Variants in CDH2 observed in about 807,000 individuals in gnomAD.
The protein encoded by CDH2 is cadherin-2.
A neutral mutation model predicts 92.0 loss-of-function variants in CDH2; 17 were observed. The observed-to-expected ratio is 0.18, with a 90% confidence interval of 0.13 to 0.28. CDH2 has a LOEUF of 0.28. Ranked by LOEUF, CDH2 falls within the 10% of genes least tolerant of loss-of-function variation. CDH2 has a pLI of 1.00. For missense variants in CDH2, 862 were observed against 1,133.1 expected (o/e 0.76, Z 3.44); for synonymous variants, 419 against 415.9 (o/e 1.01, Z -0.09).
chr18:27,958,551 GTATATT>G (rs916880772), intron 15 of CDH2, among the ~76,000 whole-genome samples: 1 of 148,704 alleles, frequency 6.7e-6, no homozygotes, highest in African/African-American at 2.5e-5. Flanking sequence ...ATAAATACGT[GTATATT>G]TATATATGTG....
chr18:28,076,479 GCA>G (rs1449335827), intron 2 of CDH2, among the ~76,000 whole-genome samples: 3 of 151,998 alleles, frequency 2.0e-5, no homozygotes, highest in Admixed American at 6.6e-5. Context: ...AAAGGTTTTA[GCA>G]CAGTGACTTG....
chr18:28,095,615 C>T (rs1283348192), intron 2 of CDH2, among the ~76,000 whole-genome samples: 1 of 151,738 alleles, frequency 6.6e-6, no homozygotes. Context: ...GTCAGGAGTT[C>T]GAAATCAGCC....
At chr18:27,942,961 TA>T (rs1272371161) in intron 6 of CDH2, among the ~76,000 whole-genome samples, 30 of 152,186 alleles carry the variant, frequency 2.0e-4, no homozygotes, top group Admixed American at 2.0e-3. Flanking sequence ...TTATGTTTTC[TA>T]AAAGTTTCCT....
At chr18:28,156,466 CATGTCACCTTCCCAGGTACAGA>C (rs1555647364) in intron 1 of CDH2, among the ~76,000 whole-genome samples, 1,466 of 59,670 alleles carry the variant, frequency 0.025, 267 homozygotes, top group African/African-American at 0.074. Flanking sequence ...CCAGGTACAG[CATGTCACCTTCCCAGGTACAGA>C]ATGTCACCTT....
At chr18:28,019,331 A>T (rs1220791040) in intron 2 of CDH2, among the ~76,000 whole-genome samples, 3 of 151,896 alleles carry the variant, frequency 2.0e-5, no homozygotes, top group Non-Finnish European at 2.9e-5. Context: ...ATGAAGAAAG[A>T]AGAAAGGAAG....
intron 2 of CDH2, among the ~76,000 whole-genome samples, chr18:28,069,128 T>A (rs1251038617): frequency 6.6e-6 from 1 of 152,176 alleles, no homozygotes; most frequent in Non-Finnish European, 1.5e-5. Context: ...TATAGTAAAC[T>A]TGACAAAGTA....
chr18:28,058,178 G>C (rs1323219672), intron 2 of CDH2, among the ~76,000 whole-genome samples: 1 of 152,168 alleles, frequency 6.6e-6, no homozygotes. Context: ...TACAATAACA[G>C]TAAAACCTCA....
At chr18:28,013,651 A>G in intron 3 of CDH2, 32 bp downstream of exon 3, 1 of 1,510,108 alleles carries the variant, frequency 6.6e-7, no homozygotes, top group Non-Finnish European at 9.2e-7. Context: ...CTGATTTTTA[A>G]CCAGCCCTAA....
intron 6 of CDH2, among the ~76,000 whole-genome samples, chr18:27,939,167 C>A (rs545705030): frequency 6.6e-6 from 1 of 152,108 alleles, no homozygotes; most frequent in Non-Finnish European, 1.5e-5. Flanking sequence ...AGTTTCCCCA[C>A]GTTTTCTTCC....
chr18:28,036,710 T>C, intron 2 of CDH2: 2 of 614,798 alleles, frequency 3.3e-6, no homozygotes, highest in Non-Finnish European at 5.7e-6. Context: ...AGAGATTGGG[T>C]GGCTCAAACA....
At chr18:28,072,334 C>T (rs1366473627) in intron 2 of CDH2, among the ~76,000 whole-genome samples, 1 of 152,178 alleles carries the variant, frequency 6.6e-6, no homozygotes, top group Non-Finnish European at 1.5e-5. Context: ...AGCTTCTAAG[C>T]AGTGCTGTGC....
intron 1 of CDH2, among the ~76,000 whole-genome samples, chr18:28,169,031 C>T (rs764827222): frequency 1.3e-5 from 2 of 152,046 alleles, no homozygotes; most frequent in Admixed American, 6.5e-5. Context: ...AAAATGAGAG[C>T]AAAACCACCT....
intron 6 of CDH2, among the ~76,000 whole-genome samples, chr18:28,004,377 C>T (rs886739670): frequency 6.6e-5 from 10 of 152,128 alleles, no homozygotes; most frequent in African/African-American, 1.7e-4. Context: ...TAGATCACAA[C>T]GCAGTTTAGC....
intron 14 of CDH2, among the ~76,000 whole-genome samples, chr18:27,977,773 A>T (rs755022104): frequency 5.3e-5 from 8 of 152,212 alleles, no homozygotes; most frequent in Non-Finnish European, 1.0e-4. Context: ...AGCAAAAATT[A>T]TTCTTTAAGA....
At position 28,093,962 on chromosome 18, in the gene CDH2, G is replaced by A. The variant is rs1042222782; in HGVS notation, c.172+53711C>T. Among the ~76,000 whole-genome samples the A allele has an allele frequency of 5.9e-5, 9 of 152,126 alleles. No individual in the cohort carries two copies. The East Asian group carries it at 7.7e-4, about 13-fold the overall frequency. On this transcript the variant is annotated intron_variant, in intron 2 of 15. Transcript: ENST00000269141. ...CTGAGCAGAGGTGGTCCTCAAATTC[G>A]ACTGGACACGTCCCATAGCCCACAC...
At chr18:28,104,367 G>T (rs187907953) in intron 2 of CDH2, among the ~76,000 whole-genome samples, 38 of 152,202 alleles carry the variant, frequency 2.5e-4, no homozygotes, top group African/African-American at 8.7e-4. Flanking sequence ...AATGGAGATT[G>T]TTGTAACTGT....
At chr18:28,094,867 ATT>A (rs1223885355) in intron 2 of CDH2, among the ~76,000 whole-genome samples, 1 of 134,856 alleles carries the variant, frequency 7.4e-6, no homozygotes, top group Non-Finnish European at 1.6e-5. Context: ...GAGACTTCAC[ATT>A]TTTAAAAAAT....
At chr18:28,140,219 T>C (rs748704673) in intron 2 of CDH2, among the ~76,000 whole-genome samples, 2 of 151,966 alleles carry the variant, frequency 1.3e-5, no homozygotes, top group African/African-American at 2.4e-5. Context: ...GAAAAAAATA[T>C]AGGGGTAAAT....
In CDH2 at chr18:28,007,708, T is replaced by A. The variant is rs569146544; in HGVS notation, c.703-1715A>T. On this transcript the variant is annotated intron_variant, in intron 5 of 15. Coordinates refer to ENST00000269141, the MANE Select transcript of CDH2 (RefSeq NM_001792.5). ...CAATTTTACAATTAATTCTGTTCTG[T>A]TATGGGTTTTTTTGTTTTTGTTTTT... 2.7e-4 allele frequency among the ~76,000 whole-genome samples: 41 copies of A among 152,130 alleles called. 1 individual carries two copies. Among genetic ancestry groups the A allele is most frequent in the African/African-American group, 9.6e-4 (40 of 41,526 alleles).
Sources: allele counts gnomAD v4.1 joint callset (sites outside exome capture counted in the v4.1 genomes callset), GRCh38; gene constraint gnomAD v4.1.1; transcripts MANE v1.5; gene names NCBI Gene and HGNC (gene_info 2026-07-23, HGNC 2026-07-21).